USP35: variants seen among roughly 807,000 people sequenced by gnomAD.
USP35 encodes the protein ubiquitin carboxyl-terminal hydrolase 35.
USP35 carries 69 observed loss-of-function variants against 83.8 expected under a neutral mutation model. That is an observed-to-expected ratio of 0.82 (90% CI 0.68 to 1.01). The LOEUF is 1.01. Ranked by LOEUF, USP35 falls within the 50% of genes least tolerant of loss-of-function variation. The pLI is 0.00. For synonymous variants in USP35, 714 were observed against 589.5 expected, an observed-to-expected ratio of 1.21 and a Z score of -3.06; for missense variants, 1,503 against 1,362.5, an observed-to-expected ratio of 1.10 and a Z score of -1.62.
the USP35 span, among the ~76,000 whole-genome samples, chr11:78,234,142 A>G: frequency 6.6e-6 from 1 of 152,076 alleles, no homozygotes; most frequent in Non-Finnish European, 1.5e-5. Context: ...GTGCAATGGA[A>G]TGATCTTGGC....
In USP35 at chr11:78,209,665, G is replaced by A; in HGVS notation, c.1810G>A (p.Glu604Lys). 1 of 1,614,020 alleles carries A rather than the reference G, an allele frequency of 6.2e-7. No homozygotes were observed. Among genetic ancestry groups the A allele is most frequent in the Non-Finnish European group, 8.5e-7 (1 of 1,179,944 alleles). Residue 604 changes from glutamate to lysine, a missense_variant, in exon 10 of 11, where the codon GAG becomes AAG. Physicochemically the swap from Glu to Lys is moderately conservative, Grantham distance 56. Coordinates refer to ENST00000529308, the MANE Select transcript of USP35 (RefSeq NM_020798.4). ...TDLSLAFPPPERCRRRRLGSV... is the reference protein window; with the variant it reads ...TDLSLAFPPPKRCRRRRLGSV... ...CCTCTCTCTCGCCTTCCCTCCTCCT[G>A]AGCGCTGTCGCCGCCGCCGCCTGGG...
chr11:78,220,216 G>A (rs1864352472), downstream of USP35: 3 of 1,209,868 alleles, frequency 2.5e-6, no homozygotes, highest in Admixed American at 6.0e-5. Context: ...GCAGGAGGGA[G>A]GCTGAGTGCT....
chr11:78,196,514 A>C lies in USP35; in HGVS notation c.269A>C (p.Gln90Pro). The C allele has an allele frequency of 8.2e-7, 1 of 1,225,658 alleles. No homozygotes were observed. Among genetic ancestry groups the C allele is most frequent in the Non-Finnish European group, 1.0e-6 (1 of 976,860 alleles). The allele number at this position is 1,225,658 out of a possible 1,614,324, so 75.9% of individuals were successfully genotyped here. The change falls in exon 2 of 11, where the codon CAG (glutamine) becomes CCG (proline). Residue 90 changes from glutamine to proline, a missense_variant. Physicochemically the swap from Gln to Pro is moderately conservative, Grantham distance 76. Coordinates refer to ENST00000529308, the MANE Select transcript of USP35 (RefSeq NM_020798.4). This position sits in a 1 kb window ranked among gnomAD's most constrained non-coding sequence, Gnocchi z 4.8. ...FSARRVLRLL[Q>P]GGAGPPGPRA... ...GCGCGTCGCGTGCTGCGCCTGCTGC[A>C]GGGTGGCGCCGGCCCCCCGGGCCCC...
intron 10 of USP35, among the ~76,000 whole-genome samples, chr11:78,212,065 T>C (rs1863803169): frequency 6.6e-6 from 1 of 152,256 alleles, no homozygotes; most frequent in East Asian, 1.9e-4. Context: ...AGGGGTTTAA[T>C]ACCTTTGGGT....
intron 9 of USP35, 108 bp from the exon 10 acceptor site, chr11:78,209,340 T>C (rs1457118738): frequency 8.3e-7 from 1 of 1,204,902 alleles, no homozygotes; most frequent in Non-Finnish European, 1.1e-6. Flanking sequence ...TGTGTTTGTG[T>C]GCGTCTCAAT....
rs571980454 is a variant in USP35 at position 78,210,126 on chromosome 11, C to T, written c.2271C>T (p.Gly757=). 2 of 1,613,682 alleles carry T rather than the reference C, an allele frequency of 1.2e-6. No individual in the cohort carries two copies. The highest frequency in any genetic ancestry group is 1.3e-5 in the African/African-American group (1 of 75,046). The change falls in exon 10 of 11, where the codon GGC becomes GGT. Residue 757 remains glycine, a synonymous_variant. Coordinates refer to ENST00000529308, the MANE Select transcript of USP35 (RefSeq NM_020798.4). The part of the protein sequence containing the change: ...PSGERTCGSE[G]SRSVLDLVNY... ...GGGAGCGGACATGTGGCTCTGAGGG[C>T]TCCCGCTCCGTCCTGGACCTGGTTA...
At position 78,205,972 on chromosome 11, in the gene USP35, T is replaced by G; in HGVS notation, c.1328T>G (p.Leu443Arg). The G allele has an allele frequency of 1.2e-6, 2 of 1,614,266 alleles. No individual in the cohort carries two copies. Among genetic ancestry groups the G allele is most frequent in the Non-Finnish European group, 1.7e-6 (2 of 1,180,044 alleles). Reference protein sequence around the residue: ...MAKSDTGKIGLINLGNTCYVN... With the variant: ...MAKSDTGKIGRINLGNTCYVN... Reference sequence around the variant, plus strand: ...AAGTCAGACACGGGCAAGATTGGTCTCATCAACCTGGGCAACACATGCTAT... The same window carrying G: ...AAGTCAGACACGGGCAAGATTGGTCGCATCAACCTGGGCAACACATGCTAT... Residue 443 changes from leucine to arginine, a missense_variant, in exon 7 of 11, where the codon CTC becomes CGC. Transcript: ENST00000529308.
chr11:78,200,127 T>C lies in USP35; in HGVS notation c.937-6T>C, dbSNP rs375190563. 3.7e-6 allele frequency: 6 copies of C among 1,614,066 alleles called. No homozygotes were observed. Among genetic ancestry groups the C allele is most frequent in the Non-Finnish European group, 5.1e-6 (6 of 1,180,006 alleles). ...TGGGGACTCCTGACCAGGGACTCTC[T>C]TGTAGGTTTTCTCTAAGCTGCTGTA... On this transcript the variant is annotated splice_region_variant and splice_polypyrimidine_tract_variant and intron_variant, in intron 4 of 10. Coordinates refer to ENST00000529308, the MANE Select transcript of USP35 (RefSeq NM_020798.4).
At chr11:78,200,314 A>G in intron 5 of USP35, 80 bp downstream of exon 5, 3 of 1,508,256 alleles carry the variant, frequency 2.0e-6, no homozygotes, top group Non-Finnish European at 2.7e-6. Context: ...GCCCCTGGTA[A>G]GGGCCCTGCC....
At chr11:78,204,150 A>G (rs561690280) in intron 6 of USP35, among the ~76,000 whole-genome samples, 114 of 152,214 alleles carry the variant, frequency 7.5e-4, no homozygotes, top group Middle Eastern at 3.4e-3. Flanking sequence ...TCGGCCTCCC[A>G]AAGTGCTGGG....
At chr11:78,225,443 C>T in the USP35 span, among the ~76,000 whole-genome samples, 7 of 152,228 alleles carry the variant, frequency 4.6e-5, no homozygotes, top group South Asian at 2.1e-4. Flanking sequence ...ACTCTACCCT[C>T]ATCTATGCAC....
At chr11:78,207,716 C>A in intron 8 of USP35, 93 bp downstream of exon 8, 2 of 1,286,868 alleles carry the variant, frequency 1.6e-6, no homozygotes, top group Non-Finnish European at 2.2e-6. Flanking sequence ...CTGCCTGCAT[C>A]TGGCTGTCAT....
At chr11:78,229,833 G>A in the USP35 span, among the ~76,000 whole-genome samples, 2 of 152,186 alleles carry the variant, frequency 1.3e-5, no homozygotes, top group Non-Finnish European at 2.9e-5. Context: ...GTTGGGCTGT[G>A]TCTGGAAGGC....
At chr11:78,230,794 C>A in the USP35 span, among the ~76,000 whole-genome samples, 1 of 152,266 alleles carries the variant, frequency 6.6e-6, no homozygotes, top group Admixed American at 6.5e-5. Context: ...GGTGCCCCCA[C>A]TGCGCAAACC....
chr11:78,191,477 TA>T (rs1237781034), intron 1 of USP35, among the ~76,000 whole-genome samples: 1 of 152,184 alleles, frequency 6.6e-6, no homozygotes, highest in Non-Finnish European at 1.5e-5. Flanking sequence ...AGTCACCTTC[TA>T]TTTGGGCATT....
At chr11:78,199,762 T>G (rs747943101) in intron 4 of USP35, 38 bp downstream of exon 4, 3 of 1,613,882 alleles carry the variant, frequency 1.9e-6, no homozygotes. Context: ...TACAGCCTTT[T>G]GTACTAGGCT....
the USP35 span, among the ~76,000 whole-genome samples, chr11:78,228,501 C>G: frequency 5.3e-5 from 8 of 152,190 alleles, no homozygotes; most frequent in African/African-American, 1.9e-4. Context: ...AGGCCAATCC[C>G]TGGACCTTTT....
intron 3 of USP35, chr11:78,199,274 C>T (rs2137033376): frequency 6.3e-6 from 2 of 319,050 alleles, no homozygotes; most frequent in Middle Eastern, 9.8e-4. Context: ...GCTTCTGGCC[C>T]AGGGGCAGTG....
chr11:78,190,129 G>A (rs1862956774), intron 1 of USP35, among the ~76,000 whole-genome samples: 2 of 152,200 alleles, frequency 1.3e-5, no homozygotes, highest in African/African-American at 4.8e-5. Context: ...GCTGGGAGGG[G>A]CTGCTCTGAC....
Sources: gnomAD v4.1 joint callset for allele counts (sites outside exome capture counted in the v4.1 genomes callset) on GRCh38, gnomAD v4.1.1 for gene constraint, Gnocchi (gnomAD v3.1) non-coding constraint, MANE v1.5 for transcripts, NCBI Gene and HGNC (gene_info 2026-07-23, HGNC 2026-07-21) for gene names.